The following DIAPH2 variants were observed in gnomAD, a reference collection of about 807,000 sequenced individuals.
The protein encoded by DIAPH2 is protein diaphanous homolog 2.
In DIAPH2, 35 loss-of-function variants were observed where a neutral mutation model predicts 92.7. That is an observed-to-expected ratio of 0.38 (90% CI 0.29 to 0.50). The LOEUF (loss-of-function observed/expected upper bound fraction) is 0.50, where lower values mean the gene tolerates loss of function less well. Ranked by LOEUF, DIAPH2 falls within the 20% of genes least tolerant of loss-of-function variation. The pLI is 0.94. For synonymous variants in DIAPH2, 301 were observed against 280.4 expected (o/e 1.07, Z -0.73); for missense variants, 701 against 819.5 (o/e 0.86, Z 1.77).
chrX:97,122,159 G>A lies in DIAPH2; in HGVS notation c.2589+7194G>A, dbSNP rs181715644. Among the ~76,000 whole-genome samples the A allele has an allele frequency of 1.7e-3, 187 of 111,415 alleles. 2 individuals carry two copies. The highest frequency in any genetic ancestry group is 3.1e-3 in the Non-Finnish European group (166 of 52,975). ...TGGCACTTACAGTATTCTGAAAATG[G>A]GGAAAACCTCATGTGAATTTTCTTG... On this transcript the variant is annotated intron_variant, in intron 21 of 26. Transcript: ENST00000324765.
At chrX:97,162,551 C>T (rs1338490664) in intron 22 of DIAPH2, among the ~76,000 whole-genome samples, 1 of 111,697 alleles carries the variant, frequency 9.0e-6, no homozygotes, top group Non-Finnish European at 1.9e-5. Context: ...GTTACCCAGG[C>T]TGGAGTGCAG....
At chrX:96,884,208 C>T (rs764076678) in intron 5 of DIAPH2, 3 of 678,951 alleles carry the variant, frequency 4.4e-6, no homozygotes, top group Non-Finnish European at 4.3e-6. Context: ...AGCTCGAAGC[C>T]TTCTGTGGAG....
intron 22 of DIAPH2, among the ~76,000 whole-genome samples, chrX:97,229,860 TA>T (rs2067995937): frequency 2.0e-5 from 2 of 102,274 alleles, no homozygotes; most frequent in Non-Finnish European, 3.9e-5. Flanking sequence ...TAACATATTA[TA>T]TATTATATAT....
intron 19 of DIAPH2, among the ~76,000 whole-genome samples, chrX:97,080,159 T>G (rs930576571): frequency 3.7e-5 from 4 of 108,462 alleles, no homozygotes; most frequent in African/African-American, 1.3e-4. Flanking sequence ...TTCCTTCCTT[T>G]CTTCCTTCTC....
chrX:96,913,891 G>C (rs1207562441), intron 7 of DIAPH2, among the ~76,000 whole-genome samples: 1 of 109,550 alleles, frequency 9.1e-6, no homozygotes, highest in Non-Finnish European at 1.9e-5. Context: ...TTTTTTTACT[G>C]TCTTAGAAAT....
At chrX:97,496,168 CTT>C (rs10632820) in intron 26 of DIAPH2, among the ~76,000 whole-genome samples, 7 of 54,090 alleles carry the variant, frequency 1.3e-4, no homozygotes, top group African/African-American at 3.0e-4. Context: ...GAATTGGTAC[CTT>C]TTTTTTTTTT....
At chrX:96,830,958 T>G (rs1270259838) in intron 4 of DIAPH2, among the ~76,000 whole-genome samples, 1 of 111,556 alleles carries the variant, frequency 9.0e-6, no homozygotes, top group Non-Finnish European at 1.9e-5. Context: ...TATACAAATA[T>G]GTGAAGGTAC....
chrX:97,561,452 G>T (rs1404082014), intron 26 of DIAPH2, among the ~76,000 whole-genome samples: 1 of 112,332 alleles, frequency 8.9e-6, no homozygotes, highest in African/African-American at 3.2e-5. Context: ...ACTTGTCAGA[G>T]AGAAAGGAAA....
At chrX:97,079,150 C>T (rs1414150516) in intron 19 of DIAPH2, among the ~76,000 whole-genome samples, 2 of 110,878 alleles carry the variant, frequency 1.8e-5, no homozygotes, top group Non-Finnish European at 3.8e-5. Flanking sequence ...ACAGGTGCCA[C>T]CACTCCCTAT....
At chrX:97,298,610 CTT>C (rs148604922) in intron 23 of DIAPH2, among the ~76,000 whole-genome samples, 16 of 87,670 alleles carry the variant, frequency 1.8e-4, no homozygotes, top group Admixed American at 5.0e-4. Flanking sequence ...ACTCTTAGTC[CTT>C]TTTTTTTTTT....
chrX:96,897,148 T>A (rs1347135172), intron 5 of DIAPH2, among the ~76,000 whole-genome samples: 2 of 111,473 alleles, frequency 1.8e-5, no homozygotes, highest in Non-Finnish European at 3.8e-5. Flanking sequence ...ACTTGAAAAT[T>A]GCTAAGAGAA....
chrX:97,577,359 A>C (rs1040930452), intron 26 of DIAPH2, among the ~76,000 whole-genome samples: 1 of 112,538 alleles, frequency 8.9e-6, no homozygotes, highest in Non-Finnish European at 1.9e-5. Context: ...ATATCGAGAA[A>C]GCTAATAAAG....
intron 19 of DIAPH2, among the ~76,000 whole-genome samples, chrX:97,086,262 T>C (rs2066782152): frequency 9.0e-6 from 1 of 111,499 alleles, no homozygotes; most frequent in South Asian, 3.8e-4. Flanking sequence ...TGCAGGACAT[T>C]GTGCTAAGTG....
chrX:96,909,437 C>A (rs1303320998), intron 5 of DIAPH2, among the ~76,000 whole-genome samples: 3 of 111,020 alleles, frequency 2.7e-5, no homozygotes, highest in African/African-American at 9.8e-5. Flanking sequence ...ACAGTAAGTG[C>A]TTGGCTGGAG....
chrX:96,696,360 T>G (rs1034996430), intron 1 of DIAPH2, among the ~76,000 whole-genome samples: 1 of 112,521 alleles, frequency 8.9e-6, no homozygotes, highest in African/African-American at 3.2e-5. Flanking sequence ...GTCAGTGTAT[T>G]CTGTAAAATA....
rs762762792 is a variant in DIAPH2 at position 96,738,637 on chromosome X, C to T, written c.217C>T (p.Leu73Phe). The change falls in exon 3 of 27, where the codon CTT becomes TTT. Residue 73 changes from leucine to phenylalanine, a missense_variant. Coordinates refer to ENST00000324765, the MANE Select transcript of DIAPH2 (RefSeq NM_006729.5). The stretch of plus-strand genomic sequence containing the variant: ...ATCTACTGTCAAAAAAGAAAAACCT[C>T]TTATTCAACATCCTATTGATTCTCA... ...RKSTVKKEKPLIQHPIDSQVA... is the reference protein window; with the variant it reads ...RKSTVKKEKPFIQHPIDSQVA... 7 of 1,204,338 alleles carry T rather than the reference C, an allele frequency of 5.8e-6. No individual in the cohort carries two copies. In the East Asian group the frequency reaches 1.8e-4, roughly 31 times the overall value.
At chrX:97,499,106 G>A (rs1033582637) in intron 26 of DIAPH2, among the ~76,000 whole-genome samples, 1 of 112,014 alleles carries the variant, frequency 8.9e-6, no homozygotes, top group African/African-American at 3.2e-5. Context: ...AGGAGAAGGT[G>A]AATTATTCCT....
chrX:97,200,710 G>A (rs1302064085), intron 22 of DIAPH2, among the ~76,000 whole-genome samples: 2 of 111,706 alleles, frequency 1.8e-5, no homozygotes, highest in Non-Finnish European at 3.8e-5. Context: ...CTGTGGGGAG[G>A]GGCAGCTGCA....
At chrX:97,171,577 G>A (rs995318797) in intron 22 of DIAPH2, among the ~76,000 whole-genome samples, 19 of 112,240 alleles carry the variant, frequency 1.7e-4, no homozygotes, top group African/African-American at 6.1e-4. Flanking sequence ...TGACAGAAGA[G>A]GCCTTGTCCA....
Sources: gnomAD v4.1 joint callset for allele counts (sites outside exome capture counted in the v4.1 genomes callset) on GRCh38, gnomAD v4.1.1 for gene constraint, MANE v1.5 for transcripts, NCBI Gene and HGNC (gene_info 2026-07-23, HGNC 2026-07-21) for gene names.